The following DCP1A variants were observed in gnomAD, a reference collection of about 807,000 sequenced individuals.
DCP1A encodes the protein mRNA-decapping enzyme 1A.
Under a neutral mutation model 58.0 loss-of-function variants are expected in DCP1A, and 20 were observed. The observed-to-expected ratio is 0.34, with a 90% CI of 0.24 to 0.50. DCP1A has a LOEUF of 0.50. Among genes scored for constraint, DCP1A ranks in the 20% least tolerant of loss-of-function variants. DCP1A has a pLI of 0.98. For missense variants in DCP1A, 613 were observed against 712.2 expected, an observed-to-expected ratio of 0.86 and a Z score of 1.59; for synonymous variants, 285 against 275.1, an observed-to-expected ratio of 1.04 and a Z score of -0.36.
intron 4 of DCP1A, among the ~76,000 whole-genome samples, chr3:53,317,720 T>A (rs1707854058): frequency 6.6e-6 from 1 of 152,156 alleles, no homozygotes; most frequent in Admixed American, 6.6e-5. Flanking sequence ...TGAAAAATAG[T>A]TTTATCTTTT....
chr3:53,318,515 G>C (rs1417648608), intron 4 of DCP1A, among the ~76,000 whole-genome samples: 1 of 152,088 alleles, frequency 6.6e-6, no homozygotes, highest in African/African-American at 2.4e-5. Flanking sequence ...AGGTGCACCA[G>C]AATATACCGT....
chr3:53,316,294 CAGAT>C (rs1201400395), intron 4 of DCP1A, among the ~76,000 whole-genome samples: 1 of 152,150 alleles, frequency 6.6e-6, no homozygotes, highest in Non-Finnish European at 1.5e-5. Context: ...AGAACAAAGA[CAGAT>C]AGTCTTCTTT....
At chr3:53,288,368 AAGC>A in intron 8 of DCP1A, 85 bp from the exon 9 acceptor site, 3 of 1,030,504 alleles carry the variant, frequency 2.9e-6, no homozygotes, top group Non-Finnish European at 1.4e-6. Context: ...AAACAGGCAT[AAGC>A]AGCAGAAGAG....
At chr3:53,344,963 A>G (rs373710791) in intron 1 of DCP1A, 21 bp from the exon 2 acceptor site, 1 of 1,595,316 alleles carries the variant, frequency 6.3e-7, no homozygotes, top group Non-Finnish European at 8.5e-7. Flanking sequence ...CAATGACTCA[A>G]TTAGTTTTTT....
chr3:53,318,795 G>C (rs1707883310), intron 4 of DCP1A, among the ~76,000 whole-genome samples: 1 of 152,208 alleles, frequency 6.6e-6, no homozygotes, highest in East Asian at 1.9e-4. Context: ...GTTAAGCCTA[G>C]AGTCTGTGTC....
chr3:53,285,434 TGG>T lies in DCP1A; in HGVS notation c.*2144_*2145del, dbSNP rs1706599175. On this transcript the variant is annotated 3_prime_UTR_variant, in exon 10 of 10. Coordinates refer to ENST00000610213, the MANE Select transcript of DCP1A (RefSeq NM_018403.7). Reference sequence around the variant, plus strand: ...TCCTGGTAATCATGACATGAACTTCTGGCTTCTGAATTTTAAGTAAATACTTT... The same window carrying T: ...TCCTGGTAATCATGACATGAACTTCTCTTCTGAATTTTAAGTAAATACTTT... 1.3e-5 allele frequency: 2 copies of T among 152,200 alleles called. No individual in the cohort carries two copies. The highest frequency in any genetic ancestry group is 1.3e-4 in the Admixed American group (2 of 15,282). The allele number at this position is 152,200 out of a possible 1,614,324, so 9.4% of individuals were successfully genotyped here.
chr3:53,322,985 C>T (rs1452008729), intron 3 of DCP1A, among the ~76,000 whole-genome samples: 4 of 151,948 alleles, frequency 2.6e-5, no homozygotes, highest in Non-Finnish European at 4.4e-5. Flanking sequence ...TCACCACACC[C>T]GGCTAACTTT....
At chr3:53,339,720 T>A (rs1553692348) in intron 3 of DCP1A, among the ~76,000 whole-genome samples, 1 of 152,176 alleles carries the variant, frequency 6.6e-6, no homozygotes, top group South Asian at 2.1e-4. Context: ...GACTTTTGCC[T>A]TGTGAAAAAA....
chr3:53,313,063 T>C (rs1007050216), intron 4 of DCP1A, among the ~76,000 whole-genome samples: 2 of 151,922 alleles, frequency 1.3e-5, no homozygotes, highest in South Asian at 4.2e-4. Flanking sequence ...GAAGGCTGCA[T>C]AGTTGAACAA....
intron 3 of DCP1A, among the ~76,000 whole-genome samples, chr3:53,336,916 G>A (rs765251437): frequency 6.6e-6 from 1 of 151,634 alleles, no homozygotes; most frequent in Non-Finnish European, 1.5e-5. Flanking sequence ...TGTCTCCCAG[G>A]CTGGAGTGCC....
intron 3 of DCP1A, chr3:53,333,142 G>GTTTTTTTTTT (rs1559703731): frequency 6.7e-6 from 1 of 148,204 alleles, no homozygotes; most frequent in Non-Finnish European, 1.5e-5. Flanking sequence ...GCAGGGTTTT[G>GTTTTTTTTTT]GTTTTTTTTT....
In DCP1A at chr3:53,292,406, G is replaced by A; in HGVS notation, c.1046C>T (p.Pro349Leu). 6.2e-7 allele frequency: 1 copy of A among 1,613,894 alleles called. No individual in the cohort carries two copies. Among genetic ancestry groups the A allele is most frequent in the Non-Finnish European group, 8.5e-7 (1 of 1,179,838 alleles). The change falls in exon 7 of 10, where the codon CCT becomes CTT. Residue 349 changes from proline (P) to leucine (L), a missense_variant. By Grantham distance (98) the Pro-to-Leu change is moderately conservative. Transcript: ENST00000610213. ...STMMQAVKTTPRQRSPLLNQP... is the reference protein window; with the variant it reads ...STMMQAVKTTLRQRSPLLNQP... The stretch of plus-strand genomic sequence containing the variant: ...GTTCAGGAGTGGAGACCTCTGTCTA[G>A]GCGTGGTCTTCACTGCCTGCATCAT...
At chr3:53,333,307 A>AT (rs1191654078) in intron 3 of DCP1A, among the ~76,000 whole-genome samples, 2,912 of 149,010 alleles carry the variant, frequency 0.02, 93 homozygotes, top group African/African-American at 0.068. Flanking sequence ...TGCCTGGCTA[A>AT]TTTTTTTTTT....
intron 4 of DCP1A, among the ~76,000 whole-genome samples, chr3:53,315,203 T>A (rs549577972): frequency 6.6e-6 from 1 of 152,290 alleles, no homozygotes; most frequent in Non-Finnish European, 1.5e-5. Context: ...AAAGTTTACA[T>A]AGTCTATGTG....
At chr3:53,298,151 G>T (rs1707190922) in intron 6 of DCP1A, among the ~76,000 whole-genome samples, 1 of 152,218 alleles carries the variant, frequency 6.6e-6, no homozygotes, top group Non-Finnish European at 1.5e-5. Context: ...CCAAGAGTTT[G>T]AGGTTACAGT....
chr3:53,316,947 T>G (rs1553689308), intron 4 of DCP1A, among the ~76,000 whole-genome samples: 1 of 152,198 alleles, frequency 6.6e-6, no homozygotes, highest in East Asian at 1.9e-4. Flanking sequence ...CATTTATCAT[T>G]TGAAATCTTG....
At chr3:53,303,107 G>A (rs1298941368) in intron 6 of DCP1A, among the ~76,000 whole-genome samples, 10 of 151,452 alleles carry the variant, frequency 6.6e-5, no homozygotes, top group African/African-American at 1.9e-4. Flanking sequence ...ATGACATCAC[G>A]TCTGGCTAAT....
Position 53,339,593 on chromosome 3 carries a change from T to A in DCP1A, c.304+2551A>T, listed in dbSNP as rs1189004298. ...CTTGTTTTCTTATAATTTGCCTTCA[T>A]TTCTTCCACACACGAACTATAAAAA... On this transcript the variant is annotated intron_variant, in intron 3 of 9. Transcript: ENST00000610213. Among the ~76,000 whole-genome samples, 4 of 152,342 alleles carry A rather than the reference T, an allele frequency of 2.6e-5. No individual in the cohort carries two copies. In the East Asian group the frequency reaches 7.7e-4, roughly 29 times the overall value.
intron 3 of DCP1A, among the ~76,000 whole-genome samples, chr3:53,320,128 A>G (rs1368562925): frequency 7.0e-6 from 1 of 143,690 alleles, no homozygotes; most frequent in African/African-American, 2.6e-5. Flanking sequence ...ACTCCATCTA[A>G]AAAAAAAAAA....
Sources: gnomAD v4.1 joint callset for allele counts (sites outside exome capture counted in the v4.1 genomes callset) on GRCh38, gnomAD v4.1.1 for gene constraint, MANE v1.5 for transcripts, NCBI Gene and HGNC (gene_info 2026-07-23, HGNC 2026-07-21) for gene names.